Variants in RRP9 observed in about 807,000 individuals in gnomAD.
The protein encoded by RRP9 is ribosomal RNA processing 9, U3 small nucleolar RNA binding protein.
Under a neutral mutation model 65.5 loss-of-function variants are expected in RRP9, and 35 were observed. The observed-to-expected ratio is 0.53, with a 90% CI of 0.41 to 0.71. The LOEUF (loss-of-function observed/expected upper bound fraction) is 0.71. Ranked by LOEUF, RRP9 falls within the 30% of genes least tolerant of loss-of-function variation. RRP9 has a pLI of 0.00. For synonymous variants in RRP9, 254 were observed against 245.0 expected, an observed-to-expected ratio of 1.04 and a Z score of -0.34; for missense variants, 533 against 633.6, an observed-to-expected ratio of 0.84 and a Z score of 1.70.
rs2106670581 is a variant in RRP9, at chr3:51,934,537, A to G, written c.1195T>C (p.Cys399Arg). 2 of 1,614,092 alleles carry G rather than the reference A, an allele frequency of 1.2e-6. No homozygotes were observed. Among genetic ancestry groups the G allele is most frequent in the East Asian group, 2.2e-5 (1 of 44,884 alleles). Residue 399 changes from cysteine (C) to arginine (R), a missense_variant, in exon 13 of 15, where the codon TGT becomes CGT. Coordinates refer to ENST00000232888, the MANE Select transcript of RRP9 (RefSeq NM_004704.5). This position sits in a 1 kb window ranked among gnomAD's most constrained non-coding sequence, Gnocchi z 4.1. ...DLVATGSHSSCVRLWQCGEGF... is the reference protein window; with the variant it reads ...DLVATGSHSSRVRLWQCGEGF... ...TCCCCACACTGCCAAAGCCGCACAC[A>G]GGAGCTGTGGGAGCCTGGGGAGACT...
rs781469918 is a variant in RRP9, at chr3:51,941,799, G to A, written c.69C>T (p.Ala23=). 6.4e-7 allele frequency: 1 copy of A among 1,569,680 alleles called. No individual in the cohort carries two copies. The highest frequency in any genetic ancestry group is 1.7e-5 in the Admixed American group (1 of 57,464). The change falls in exon 1 of 15, where the codon GCC becomes GCT. Residue 23 remains alanine, a synonymous_variant. Coordinates refer to ENST00000232888, the MANE Select transcript of RRP9 (RefSeq NM_004704.5). ...TGCTCACCTTTCGCCGCCGCTTGCC[G>A]GCCCCCGCGCCAGCCCCGGCCCCAG... The part of the protein sequence containing the change: ...PASGAGAGAG[A]GKRRRKADSA...
rs761993671 is a variant in RRP9, at chr3:51,937,933, T to G, written c.280+162A>C. On this transcript the variant is annotated intron_variant, in intron 3 of 14. Coordinates refer to ENST00000232888, the MANE Select transcript of RRP9 (RefSeq NM_004704.5). The surrounding 1 kb of genome is among the most constrained non-coding windows in gnomAD (Gnocchi z 5.0). Reference sequence around the variant, plus strand: ...CCCTGCGGGCTCCCCAGGAGGCCCATGAGAGCTTCTGGCCACCCCCACAGG... The same window carrying G: ...CCCTGCGGGCTCCCCAGGAGGCCCAGGAGAGCTTCTGGCCACCCCCACAGG... Among the ~76,000 whole-genome samples, 14 of 152,206 alleles carry G rather than the reference T, an allele frequency of 9.2e-5. No homozygotes were observed. Among genetic ancestry groups the G allele is most frequent in the South Asian group, 4.1e-4 (2 of 4,830 alleles).
chr3:51,938,597 G>A (rs1408939892), intron 2 of RRP9, among the ~76,000 whole-genome samples: 2 of 152,126 alleles, frequency 1.3e-5, no homozygotes, highest in Non-Finnish European at 2.9e-5. Context: ...AGCTCTGGAG[G>A]AATACACTGA....
Position 51,935,211 on chromosome 3 carries a change from G to A in RRP9, c.1020C>T (p.Ser340=), listed in dbSNP as rs377278868. ...GGACCTCTTACCCATCGTCCGCGCC[G>A]GACACCATGTGCTCCTCATTGATTA... is the stretch of plus-strand genomic sequence containing the variant. ...IHLINEEHMV[S]GADDGSVALW... is the part of the protein sequence containing the mutation. Residue 340 remains serine (S), a synonymous_variant, in exon 11 of 15, where the codon TCC becomes TCT. Transcript: ENST00000232888. 4.2e-5 allele frequency: 67 copies of A among 1,611,780 alleles called. 1 individual carries two copies. The African/African-American group carries it at 4.4e-4, about 11-fold the overall frequency.
chr3:51,935,315 C>T (rs199618048), intron 10 of RRP9, 27 bp downstream of exon 10: 1 of 1,614,176 alleles, frequency 6.2e-7, no homozygotes, highest in Non-Finnish European at 8.5e-7. Flanking sequence ...CCCATGTAGC[C>T]CCCACTGGCA....
intron 2 of RRP9, among the ~76,000 whole-genome samples, chr3:51,939,779 C>T (rs1699498644): frequency 6.6e-6 from 1 of 152,222 alleles, no homozygotes; most frequent in Admixed American, 6.5e-5. Context: ...TAGTTCTTAA[C>T]CTAAGTGGTA....
Position 51,941,506 on chromosome 3 carries a change from GTCTTT to G in RRP9, c.88-20_88-16del, listed in dbSNP as rs1559745277. 8 of 1,613,048 alleles carry G rather than the reference GTCTTT, an allele frequency of 5.0e-6. No homozygotes were observed. The highest frequency in any genetic ancestry group is 5.1e-6 in the Non-Finnish European group (6 of 1,179,238). ...GCAGAGTCGGCCTGGGAATTATACG[GTCTTT>G]TCTTTGGTCAGGGGTCCAGACCACC... is the stretch of plus-strand genomic sequence containing the variant. On this transcript the variant is annotated splice_polypyrimidine_tract_variant and intron_variant, in intron 1 of 14. Transcript: ENST00000232888.
chr3:51,935,985 C>G (rs1699454345), intron 8 of RRP9, among the ~76,000 whole-genome samples: 1 of 152,198 alleles, frequency 6.6e-6, no homozygotes. Flanking sequence ...CTCGGCCTCC[C>G]AAAGTGCTAG....
chr3:51,935,694 T>C lies in RRP9; in HGVS notation c.736-2A>G. 1 of 1,612,826 alleles carries C rather than the reference T, an allele frequency of 6.2e-7. No individual in the cohort carries two copies. Among genetic ancestry groups the C allele is most frequent in the Non-Finnish European group, 8.5e-7 (1 of 1,178,898 alleles). On this transcript the variant is annotated splice_acceptor_variant, in intron 8 of 14. Coordinates refer to ENST00000232888, the MANE Select transcript of RRP9 (RefSeq NM_004704.5). LOFTEE classifies it high-confidence loss of function. ...GGTGCCTCTGCGGAATGCCAGACCC[T>C]AAGGGTGCATGGGGAGAGGGCAAAG...
Position 51,936,488 on chromosome 3 carries a change from G to T in RRP9, c.585C>A (p.Pro195=). The part of the protein sequence containing the change: ...PRAKKGAEGK[P]PGHSSHVLCM... The stretch of plus-strand genomic sequence containing the variant: ...AGAGGACGTGGCTGCTGTGGCCAGG[G>T]GGCTTTCCCTCGGCACCCTTCTTGG... The change falls in exon 7 of 15, where the codon CCC becomes CCA. Residue 195 remains proline (P), a synonymous_variant. Transcript: ENST00000232888. 6.2e-7 allele frequency: 1 copy of T among 1,614,212 alleles called. No individual in the cohort carries two copies. Among genetic ancestry groups the T allele is most frequent in the South Asian group, 1.1e-5 (1 of 91,088 alleles).
At chr3:51,936,172 G>A in intron 8 of RRP9, 85 bp downstream of exon 8, 1 of 1,305,808 alleles carries the variant, frequency 7.7e-7, no homozygotes, top group South Asian at 1.2e-5. Context: ...GTTCCCTGAG[G>A]ACAGAGACTC....
chr3:51,934,560 A>C lies in RRP9; in HGVS notation c.1181-9T>G, dbSNP rs1157013802. The C allele has an allele frequency of 6.2e-6, 10 of 1,613,638 alleles. No homozygotes were observed. Among genetic ancestry groups the C allele is most frequent in the Non-Finnish European group, 8.5e-6 (10 of 1,179,800 alleles). The stretch of plus-strand genomic sequence containing the variant: ...ACAGGAGCTGTGGGAGCCTGGGGAG[A>C]CTGGAACAGTGAGCAACCCCTGCAC... On this transcript the variant is annotated splice_polypyrimidine_tract_variant and intron_variant, in intron 12 of 14. Coordinates refer to ENST00000232888, the MANE Select transcript of RRP9 (RefSeq NM_004704.5). The surrounding 1 kb of genome is among the most constrained non-coding windows in gnomAD (Gnocchi z 4.1).
At chr3:51,933,803 A>G in intron 13 of RRP9, 22 bp from the exon 14 acceptor site, 2 of 1,612,894 alleles carry the variant, frequency 1.2e-6, no homozygotes, top group Non-Finnish European at 1.7e-6. Context: ...GACAACACGG[A>G]AAGACATTAG....
chr3:51,934,148 C>G lies in RRP9; in HGVS notation c.1260+324G>C, dbSNP rs1243609039. On this transcript the variant is annotated intron_variant, in intron 13 of 14. Coordinates refer to ENST00000232888, the MANE Select transcript of RRP9 (RefSeq NM_004704.5). This position sits in a 1 kb window ranked among gnomAD's most constrained non-coding sequence, Gnocchi z 4.1. The stretch of plus-strand genomic sequence containing the variant: ...GATCCTGCCACCCTCCCCCAGGTCA[C>G]CCTAGTGTGGACAGTGAGGTCCACA... 6.6e-6 allele frequency among the ~76,000 whole-genome samples: 1 copy of G among 152,168 alleles called. No homozygotes were observed. Among genetic ancestry groups the G allele is most frequent in the Non-Finnish European group, 1.5e-5 (1 of 68,014 alleles).
At position 51,938,131 on chromosome 3, in the gene RRP9, A is replaced by G; in HGVS notation, c.244T>C (p.Leu82=). 1 of 1,609,016 alleles carries G rather than the reference A, an allele frequency of 6.2e-7. No individual in the cohort carries two copies. The highest frequency in any genetic ancestry group is 8.5e-7 in the Non-Finnish European group (1 of 1,179,382). ...AGCTGCTCTAGGTAGAGCTTGGCCAAGCGCAGCTTCTTTTCCTGTGCAGTT... is the reference window on the plus strand; with the variant it reads ...AGCTGCTCTAGGTAGAGCTTGGCCAGGCGCAGCTTCTTTTCCTGTGCAGTT... ...EETAQEKKLR[L]AKLYLEQLRQ... Residue 82 remains leucine, a synonymous_variant, in exon 3 of 15, where the codon TTG becomes CTG. Coordinates refer to ENST00000232888, the MANE Select transcript of RRP9 (RefSeq NM_004704.5).
At chr3:51,938,820 G>A (rs1310496340) in intron 2 of RRP9, among the ~76,000 whole-genome samples, 3 of 152,146 alleles carry the variant, frequency 2.0e-5, no homozygotes, top group Admixed American at 6.5e-5. Context: ...CAGACATGAC[G>A]GGGGCAGTCT....
chr3:51,935,539 A>G, intron 9 of RRP9, 53 bp downstream of exon 9: 1 of 1,613,378 alleles, frequency 6.2e-7, no homozygotes. Flanking sequence ...ACGGGCACAC[A>G]CTCCCACACC....
chr3:51,935,747 C>T, intron 8 of RRP9, 55 bp from the exon 9 acceptor site: 10 of 1,464,818 alleles, frequency 6.8e-6, no homozygotes, highest in Non-Finnish European at 9.6e-6. Context: ...AGGCGAGAGA[C>T]AGGTCAGGCC....
chr3:51,941,521 AG>A, intron 1 of RRP9, 30 bp from the exon 2 acceptor site: 1 of 1,595,538 alleles, frequency 6.3e-7, no homozygotes, highest in Non-Finnish European at 8.6e-7. Context: ...TTCTTTGGTC[AG>A]GGGTCCAGAC....
Sources: gnomAD v4.1 joint callset for allele counts (sites outside exome capture counted in the v4.1 genomes callset) on GRCh38, gnomAD v4.1.1 for gene constraint, Gnocchi (gnomAD v3.1) non-coding constraint, MANE v1.5 for transcripts, NCBI Gene and HGNC (gene_info 2026-07-23, HGNC 2026-07-21) for gene names.